Variants in NFIB observed in about 807,000 individuals in gnomAD.
NFIB encodes nuclear factor 1 B-type.
NFIB carries 11 observed loss-of-function variants against 61.5 expected under a neutral mutation model. That is an observed-to-expected ratio of 0.18 (90% CI 0.11 to 0.30). NFIB has a LOEUF of 0.30. NFIB is among the 10% of genes least tolerant of loss of function. The pLI, the probability that NFIB is intolerant of heterozygous loss-of-function variation, is 1.00. For missense variants in NFIB, 471 were observed against 608.9 expected (o/e 0.77, Z 2.38); for synonymous variants, 260 against 216.5 (o/e 1.20, Z -1.76).
chr9:14,445,602 T>C, the NFIB span, among the ~76,000 whole-genome samples: 1 of 152,196 alleles, frequency 6.6e-6, no homozygotes, highest in South Asian at 2.1e-4. Flanking sequence ...TCTGTCAATG[T>C]GCACATTAAT....
intron 2 of NFIB, among the ~76,000 whole-genome samples, chr9:14,266,586 C>G (rs2057221640): frequency 6.7e-6 from 1 of 150,352 alleles, no homozygotes; most frequent in South Asian, 2.1e-4. Context: ...TAGAGCAAGA[C>G]CTTGTCTCAA....
intron 1 of NFIB, among the ~76,000 whole-genome samples, chr9:14,372,266 T>C (rs2061366909): frequency 6.6e-6 from 1 of 152,184 alleles, no homozygotes. Context: ...ACATCTGAGT[T>C]TGATTTCCTG....
Position 14,087,507 on chromosome 9 carries a change from T to G in NFIB, c.*802A>C. 4.4e-6 allele frequency: 1 copy of G among 226,578 alleles called. No individual in the cohort carries two copies. The highest frequency in any genetic ancestry group is 8.8e-6 in the Non-Finnish European group (1 of 113,606). 14.0% of individuals were successfully genotyped at this position (226,578 alleles called of 1,614,324 possible). Reference sequence around the variant, plus strand: ...TTACTGTTGCATGCAGAGAGAACACTTCACCTACATAGAGGCATTTCTTCC... The same window carrying G: ...TTACTGTTGCATGCAGAGAGAACACGTCACCTACATAGAGGCATTTCTTCC... On this transcript the variant is annotated 3_prime_UTR_variant, in exon 11 of 11. Coordinates refer to ENST00000380953, the MANE Select transcript of NFIB (RefSeq NM_001190737.2).
At chr9:14,420,757 A>T in the NFIB span, among the ~76,000 whole-genome samples, 21 of 152,132 alleles carry the variant, frequency 1.4e-4, no homozygotes, top group African/African-American at 4.8e-4. Context: ...CTAAAATACT[A>T]AGGGGCAGGA....
chr9:14,281,191 A>C (rs970265457), intron 2 of NFIB, among the ~76,000 whole-genome samples: 1 of 152,238 alleles, frequency 6.6e-6, no homozygotes, highest in Admixed American at 6.5e-5. Context: ...ACAGTTCAAC[A>C]TGGTTCCCAT....
chr9:14,140,588 G>C lies in NFIB; in HGVS notation c.925+6101C>G, dbSNP rs577349594. On this transcript the variant is annotated intron_variant, in intron 6 of 10. Coordinates refer to ENST00000380953, the MANE Select transcript of NFIB (RefSeq NM_001190737.2). ...ACAAAAAAACTTTGCAAATTTAGCTGACCACTCTTTTGTATGTAGCATATC... is the reference window on the plus strand; with the variant it reads ...ACAAAAAAACTTTGCAAATTTAGCTCACCACTCTTTTGTATGTAGCATATC... 1.3e-4 allele frequency among the ~76,000 whole-genome samples: 20 copies of C among 152,268 alleles called. No individual in the cohort carries two copies. In the East Asian group the frequency reaches 3.5e-3, roughly 26 times the overall value.
chr9:14,156,669 A>G (rs897287744), intron 3 of NFIB, among the ~76,000 whole-genome samples: 14 of 152,126 alleles, frequency 9.2e-5, no homozygotes, highest in African/African-American at 3.4e-4. Context: ...TATGTCCAAA[A>G]CTAGAGATGA....
intron 1 of NFIB, among the ~76,000 whole-genome samples, chr9:14,392,729 A>T (rs557409987): frequency 1.3e-5 from 2 of 151,816 alleles, no homozygotes; most frequent in East Asian, 3.9e-4. Flanking sequence ...AAAAAAAAAA[A>T]GAAAAAGAGA....
chr9:14,280,435 A>G (rs1320663927), intron 2 of NFIB, among the ~76,000 whole-genome samples: 2 of 152,164 alleles, frequency 1.3e-5, no homozygotes, highest in African/African-American at 4.8e-5. Context: ...TGCCTTACCA[A>G]GGAGGACCTA....
At chr9:14,397,503 G>T (rs892360083) in intron 1 of NFIB, among the ~76,000 whole-genome samples, 2 of 151,892 alleles carry the variant, frequency 1.3e-5, no homozygotes, top group African/African-American at 4.8e-5. Flanking sequence ...CTGTAAAATG[G>T]GTAAAGAATA....
At chr9:14,418,484 C>A in the NFIB span, among the ~76,000 whole-genome samples, 1 of 152,270 alleles carries the variant, frequency 6.6e-6, no homozygotes, top group African/African-American at 2.4e-5. Context: ...AACAATATAT[C>A]TGCTGCTTAG....
At chr9:14,451,902 G>C in the NFIB span, among the ~76,000 whole-genome samples, 1 of 151,088 alleles carries the variant, frequency 6.6e-6, no homozygotes, top group Non-Finnish European at 1.5e-5. Flanking sequence ...TTCTGAACCT[G>C]TCGTCCTGTT....
At chr9:14,513,575 C>T in the NFIB span, among the ~76,000 whole-genome samples, 1 of 149,638 alleles carries the variant, frequency 6.7e-6, no homozygotes, top group African/African-American at 2.5e-5. Flanking sequence ...GTGCAGTGAG[C>T]CGAAATTGTG....
intron 2 of NFIB, among the ~76,000 whole-genome samples, chr9:14,193,359 A>G (rs998561467): frequency 2.6e-5 from 4 of 152,136 alleles, no homozygotes; most frequent in African/African-American, 9.7e-5. Flanking sequence ...GTAAAATATG[A>G]TACATTTACT....
chr9:14,419,836 A>G, the NFIB span, among the ~76,000 whole-genome samples: 1 of 152,242 alleles, frequency 6.6e-6, no homozygotes, highest in Non-Finnish European at 1.5e-5. Context: ...ATATGAGGCG[A>G]ACAATCCATA....
At chr9:14,250,722 C>G (rs902529731) in intron 2 of NFIB, among the ~76,000 whole-genome samples, 1 of 152,186 alleles carries the variant, frequency 6.6e-6, no homozygotes, top group Non-Finnish European at 1.5e-5. Context: ...TTTAAGTCAA[C>G]CTGTATATCT....
intron 1 of NFIB, among the ~76,000 whole-genome samples, chr9:14,330,453 G>C (rs1213141139): frequency 6.6e-6 from 1 of 152,032 alleles, no homozygotes; most frequent in African/African-American, 2.4e-5. Context: ...ATTTTGAAAA[G>C]TTTTGAAAAA....
the NFIB span, among the ~76,000 whole-genome samples, chr9:14,479,830 C>T: frequency 4.6e-5 from 7 of 151,902 alleles, no homozygotes; most frequent in Non-Finnish European, 8.8e-5. Flanking sequence ...GTAAACACTA[C>T]GGGAAACAAA....
chr9:14,416,231 T>C, the NFIB span, among the ~76,000 whole-genome samples: 1 of 152,232 alleles, frequency 6.6e-6, no homozygotes, highest in Non-Finnish European at 1.5e-5. Context: ...GAAAAAGTCC[T>C]ATCACTTAGT....
Sources: allele counts gnomAD v4.1 joint callset (sites outside exome capture counted in the v4.1 genomes callset), GRCh38; gene constraint gnomAD v4.1.1; transcripts MANE v1.5; gene names NCBI Gene and HGNC (gene_info 2026-07-23, HGNC 2026-07-21).